Variants in NTM observed in about 807,000 individuals in gnomAD.
The protein encoded by NTM is neurotrimin, also known as IgLON family member 2.
In NTM, 13 loss-of-function variants were observed where a neutral mutation model predicts 42.1. The observed-to-expected ratio is 0.31, with a 90% CI of 0.20 to 0.49. The LOEUF is 0.49. NTM is among the 20% of genes least tolerant of loss of function. The pLI, the probability that NTM is intolerant of heterozygous loss-of-function variation, is 0.99. For synonymous variants in NTM, 187 were observed against 179.2 expected (o/e 1.04, Z -0.35); for missense variants, 373 against 452.8 (o/e 0.82, Z 1.60).
In NTM at chr11:132,330,155, G is replaced by T; in HGVS notation, c.937G>T (p.Val313Leu). 6.4e-7 allele frequency: 1 copy of T among 1,551,698 alleles called. No homozygotes were observed. The highest frequency in any genetic ancestry group is 8.7e-7 in the Non-Finnish European group (1 of 1,146,970). ...HTNASIMLFEVKTTALTPWKG... is the reference protein window; with the variant it reads ...HTNASIMLFELKTTALTPWKG... ...GGCTTGTTTTTAATTTCTTTTAGAAGTGAAAACTACAGCCCTGACCCCTTG... is the reference window on the plus strand; with the variant it reads ...GGCTTGTTTTTAATTTCTTTTAGAATTGAAAACTACAGCCCTGACCCCTTG... The change falls in exon 8 of 9, where the codon GTG becomes TTG. Residue 313 changes from valine to leucine, a missense_variant and splice_region_variant. By Grantham distance (32) the Val-to-Leu change is conservative. Transcript: ENST00000683400.
intron 4 of NTM, among the ~76,000 whole-genome samples, chr11:132,296,259 A>AGCATG (rs1243698421): frequency 6.6e-6 from 1 of 152,122 alleles, no homozygotes; most frequent in East Asian, 1.9e-4. Flanking sequence ...GGAGATCATG[A>AGCATG]GCACAGCTGG....
At chr11:131,416,967 C>T (rs144706507) in intron 1 of NTM, among the ~76,000 whole-genome samples, 40 of 152,254 alleles carry the variant, frequency 2.6e-4, no homozygotes, top group African/African-American at 8.7e-4. Flanking sequence ...AATATTAGCA[C>T]GTAACCTTGG....
intron 1 of NTM, among the ~76,000 whole-genome samples, chr11:131,451,089 A>G (rs1950450866): frequency 6.6e-6 from 1 of 152,168 alleles, no homozygotes; most frequent in African/African-American, 2.4e-5. Context: ...TTTAAATGGA[A>G]CAGAACAAAA....
At chr11:131,688,925 G>A (rs1343308638) in intron 1 of NTM, among the ~76,000 whole-genome samples, 1 of 152,218 alleles carries the variant, frequency 6.6e-6, no homozygotes, top group East Asian at 1.9e-4. Flanking sequence ...CATTGTAGAG[G>A]TGTTTCCTTA....
chr11:131,646,836 TATTTCCCAGTTTTCAGTATTG>T (rs1482400525), intron 1 of NTM, among the ~76,000 whole-genome samples: 1 of 152,204 alleles, frequency 6.6e-6, no homozygotes, highest in East Asian at 1.9e-4. Context: ...CAGTGAGACA[TATTTCCCAGTTTTCAGTATTG>T]ATTTTTATAT....
chr11:132,052,631 A>C (rs575127873), intron 2 of NTM, among the ~76,000 whole-genome samples: 1 of 152,310 alleles, frequency 6.6e-6, no homozygotes, highest in Admixed American at 6.5e-5. Context: ...TGGGAAAGTC[A>C]ATTGCTTATT....
At chr11:131,790,276 A>T (rs1403610389) in intron 1 of NTM, among the ~76,000 whole-genome samples, 2 of 152,172 alleles carry the variant, frequency 1.3e-5, no homozygotes, top group African/African-American at 4.8e-5. Flanking sequence ...GGTTTGCTCT[A>T]TTCCAGGATA....
chr11:131,932,915 G>T, intron 2 of NTM, among the ~76,000 whole-genome samples: 1 of 152,130 alleles, frequency 6.6e-6, no homozygotes, highest in African/African-American at 2.4e-5. Context: ...AATGGCCGGT[G>T]AATAAGCCAG....
intron 1 of NTM, among the ~76,000 whole-genome samples, chr11:131,724,709 A>G (rs748237136): frequency 3.3e-5 from 5 of 152,186 alleles, no homozygotes; most frequent in Non-Finnish European, 7.3e-5. Context: ...GAAAGGAACG[A>G]CAAGGCCCGG....
chr11:131,733,470 CCT>C (rs2079969048), intron 1 of NTM, among the ~76,000 whole-genome samples: 1 of 105,042 alleles, frequency 9.5e-6, no homozygotes, highest in Non-Finnish European at 1.9e-5. Context: ...TTCTTTCCTT[CCT>C]TCCTTCCTTC....
chr11:131,604,759 T>C (rs2060793134), intron 1 of NTM, among the ~76,000 whole-genome samples: 1 of 151,728 alleles, frequency 6.6e-6, no homozygotes, highest in African/African-American at 2.4e-5. Flanking sequence ...TCCCACTTCT[T>C]TCCTTTGTAT....
At chr11:131,788,735 T>C (rs1414123646) in intron 1 of NTM, among the ~76,000 whole-genome samples, 2 of 152,188 alleles carry the variant, frequency 1.3e-5, no homozygotes, top group African/African-American at 4.8e-5. Context: ...TCTTTGGTAT[T>C]TTTTAGGGTG....
intron 2 of NTM, among the ~76,000 whole-genome samples, chr11:132,064,646 A>T (rs1426343205): frequency 6.6e-6 from 1 of 152,186 alleles, no homozygotes; most frequent in African/African-American, 2.4e-5. Flanking sequence ...AAAGCCCTGG[A>T]TCACACAGTG....
At chr11:131,545,671 T>C (rs1052020306) in intron 1 of NTM, among the ~76,000 whole-genome samples, 1 of 152,148 alleles carries the variant, frequency 6.6e-6, no homozygotes, top group Non-Finnish European at 1.5e-5. Context: ...ATTAAATCCA[T>C]GAAGGACACA....
intron 1 of NTM, among the ~76,000 whole-genome samples, chr11:131,759,728 C>T (rs1339219429): frequency 6.6e-6 from 1 of 150,980 alleles, no homozygotes; most frequent in African/African-American, 2.4e-5. Context: ...TTCATAGCTG[C>T]TACCAAACTT....
At position 132,218,012 on chromosome 11, in the gene NTM, C is replaced by T. The variant is rs185417691; in HGVS notation, c.526+5865C>T. The stretch of plus-strand genomic sequence containing the variant: ...TGAGTTCAACCAGAGCTGGCAGGTT[C>T]CATGACTCCAGTGACAGCTCTGTGA... On this transcript the variant is annotated intron_variant, in intron 4 of 8. Transcript: ENST00000683400. Among the ~76,000 whole-genome samples the T allele has an allele frequency of 3.9e-5, 6 of 152,228 alleles. No homozygotes were observed. In the East Asian group the frequency reaches 1.2e-3, roughly 30 times the overall value.
At chr11:131,530,749 C>T (rs902978035) in intron 1 of NTM, among the ~76,000 whole-genome samples, 2 of 152,166 alleles carry the variant, frequency 1.3e-5, no homozygotes, top group Admixed American at 6.5e-5. Flanking sequence ...CTTAACCTCA[C>T]CCTGACCCTA....
At position 132,316,473 on chromosome 11, in the gene NTM, TAAAAAGGACATG is replaced by T. The variant is rs2095432822; in HGVS notation, c.934+1771_934+1782del. ...CAGCTCTCTGGCGTCCAGGGTTTTC[TAAAAAGGACATG>T]GAAAAGTAGTAGTATGTATTCAAAT... On this transcript the variant is annotated intron_variant, in intron 7 of 8. Coordinates refer to ENST00000683400, the MANE Select transcript of NTM (RefSeq NM_001352005.2). 3.3e-5 allele frequency among the ~76,000 whole-genome samples: 5 copies of T among 152,330 alleles called. No homozygotes were observed. In the South Asian group the frequency reaches 1.0e-3, roughly 32 times the overall value.
In NTM at chr11:131,754,941, A is replaced by G. The variant is rs376310365; in HGVS notation, c.83-156623A>G. On this transcript the variant is annotated intron_variant, in intron 1 of 8. Transcript: ENST00000683400. Reference sequence around the variant, plus strand: ...GAAAAGGCCAGATCCAGAAGAGTACAGATGGCAAAACTCTACGATTCCATT... The same window carrying G: ...GAAAAGGCCAGATCCAGAAGAGTACGGATGGCAAAACTCTACGATTCCATT... 7.2e-5 allele frequency among the ~76,000 whole-genome samples: 11 copies of G among 152,342 alleles called. No homozygotes were observed. The East Asian group carries it at 9.7e-4, about 13-fold the overall frequency.
Sources: allele counts gnomAD v4.1 joint callset (sites outside exome capture counted in the v4.1 genomes callset), GRCh38; gene constraint gnomAD v4.1.1; transcripts MANE v1.5; gene names NCBI Gene and HGNC (gene_info 2026-07-23, HGNC 2026-07-21).